Variants in RNFT1 observed in about 807,000 individuals in gnomAD.
The protein encoded by RNFT1 is E3 ubiquitin-protein ligase RNFT1.
Under a neutral mutation model 53.2 loss-of-function variants are expected in RNFT1, and 35 were observed. The ratio of observed to expected loss-of-function variants is 0.66; its 90% CI spans 0.50 to 0.87. The LOEUF is 0.87. RNFT1 is among the 40% of genes least tolerant of loss of function. RNFT1 has a pLI of 0.00. For missense variants in RNFT1, 421 were observed against 515.0 expected (o/e 0.82, Z 1.77); for synonymous variants, 141 against 172.8 (o/e 0.82, Z 1.44).
rs751742896 is a variant in RNFT1, at chr17:59,964,703, A to T, written c.-40T>A. 1 of 1,571,510 alleles carries T rather than the reference A, an allele frequency of 6.4e-7. No homozygotes were observed. Among genetic ancestry groups the T allele is most frequent in the Non-Finnish European group, 8.6e-7 (1 of 1,158,220 alleles). ...CCTTCAGTCGGGGCCATCAACCGCA[A>T]ACCCCGCAAGCTCTTCTCTCAGCCC... On this transcript the variant is annotated 5_prime_UTR_variant, in exon 1 of 9. It adds an upstream start codon to the 5' untranslated region. Coordinates refer to ENST00000305783, the MANE Select transcript of RNFT1 (RefSeq NM_016125.4).
chr17:59,959,981 A>C (rs1380901838), intron 4 of RNFT1, 87 bp downstream of exon 4: 1 of 1,343,820 alleles, frequency 7.4e-7, no homozygotes. Context: ...ACTGAATACA[A>C]TAAGTACTAT....
chr17:59,954,567 T>C (rs924637092), intron 7 of RNFT1, among the ~76,000 whole-genome samples: 4 of 152,162 alleles, frequency 2.6e-5, no homozygotes, highest in African/African-American at 9.6e-5. Context: ...TGAATGTAAC[T>C]CATGTGGAAA....
chr17:59,963,158 C>G lies in RNFT1; in HGVS notation c.183G>C (p.Gln61His), dbSNP rs780040800. The G allele has an allele frequency of 1.2e-6, 2 of 1,614,218 alleles. No homozygotes were observed. Among genetic ancestry groups the G allele is most frequent in the South Asian group, 2.2e-5 (2 of 91,092 alleles). The change falls in exon 2 of 9, where the codon CAG becomes CAC. Residue 61 changes from glutamine (Q) to histidine (H), a missense_variant. Physicochemically the swap from Gln to His is conservative, Grantham distance 24. Transcript: ENST00000305783. Reference sequence around the variant, plus strand: ...CTCCTGTCAATCTTGTGTGGACACACTGAGGGGTTGAGGCATCCTCACTGC... The same window carrying G: ...CTCCTGTCAATCTTGTGTGGACACAGTGAGGGGTTGAGGCATCCTCACTGC... ...TGSSEDASTP[Q>H]CVHTRLTGEG...
chr17:59,960,289 T>C (rs1598865398), intron 3 of RNFT1, 121 bp from the exon 4 acceptor site: 1 of 1,100,146 alleles, frequency 9.1e-7, no homozygotes, highest in East Asian at 2.8e-5. Flanking sequence ...ATATAGAATA[T>C]GTTAAACTGT....
At chr17:59,963,326 TAA>T in intron 1 of RNFT1, 42 bp from the exon 2 acceptor site, 1 of 1,528,848 alleles carries the variant, frequency 6.5e-7, no homozygotes, top group East Asian at 2.3e-5. Context: ...AACAGGCAGT[TAA>T]ATACCAGCAG....
chr17:59,957,142 C>T (rs2045258668), intron 6 of RNFT1, 82 bp downstream of exon 6: 2 of 1,351,830 alleles, frequency 1.5e-6, no homozygotes, highest in East Asian at 4.8e-5. Context: ...AACTATAAAA[C>T]TGTTAAAAGA....
rs187916935 is a variant in RNFT1, at chr17:59,961,811, A to G, written c.591+729T>C. On this transcript the variant is annotated intron_variant, in intron 3 of 8. Coordinates refer to ENST00000305783, the MANE Select transcript of RNFT1 (RefSeq NM_016125.4). ...AGGCTGGTCTCAAACTTCTGACCTC[A>G]GGTGATCTGCCTGCCTGGGCCTCCC... Among the ~76,000 whole-genome samples, 362 of 150,226 alleles carry G rather than the reference A, an allele frequency of 2.4e-3. 1 individual carries two copies. Among genetic ancestry groups the G allele is most frequent in the Middle Eastern group, 3.6e-3 (1 of 278 alleles).
At position 59,952,966 on chromosome 17, in the gene RNFT1, G is replaced by A; in HGVS notation, c.*11C>T. ...ACATTAGTATTTTGTGGCCTTGATA[G>A]TTTATACAACTTAATATATTTGAAG... On this transcript the variant is annotated 3_prime_UTR_variant, in exon 9 of 9. Transcript: ENST00000305783. 1 of 1,610,516 alleles carries A rather than the reference G, an allele frequency of 6.2e-7. No homozygotes were observed. The highest frequency in any genetic ancestry group is 8.5e-7 in the Non-Finnish European group (1 of 1,178,824).
At chr17:59,953,854 C>T (rs755235767) in intron 8 of RNFT1, 191 bp downstream of exon 8, 17 of 441,714 alleles carry the variant, frequency 3.8e-5, no homozygotes, top group South Asian at 8.2e-5. Flanking sequence ...CCCCTTCATA[C>T]GCTCCTCTGC....
At position 59,952,751 on chromosome 17, in the gene RNFT1, TTAGAA is replaced by T. The variant is rs1247510866; in HGVS notation, c.*221_*225del. 2 of 343,258 alleles carry T rather than the reference TTAGAA, an allele frequency of 5.8e-6. No homozygotes were observed. Among genetic ancestry groups the T allele is most frequent in the Non-Finnish European group, 1.0e-5 (2 of 191,900 alleles). The allele number at this position is 343,258 out of a possible 1,614,324, so 21.3% of individuals were successfully genotyped here. A position where few individuals can be genotyped will look rare whatever the true frequency, so the allele number is the denominator to read the frequency against. On this transcript the variant is annotated 3_prime_UTR_variant, in exon 9 of 9. Transcript: ENST00000305783. ...AACACTGCAGTTACCTGTCAAATAA[TTAGAA>T]TAGAATAAATGTTGCATATACATTA...
intron 5 of RNFT1, 74 bp from the exon 6 acceptor site, chr17:59,957,456 G>C: frequency 2.0e-6 from 2 of 1,011,588 alleles, no homozygotes; most frequent in Non-Finnish European, 2.9e-6. Context: ...ATTAGACTGA[G>C]AACACTGAGT....
Position 59,956,554 on chromosome 17 carries a change from C to T in RNFT1, c.1006-1G>A, listed in dbSNP as rs1195741804. ...TCAGATGCCCAAAAAATTCCAAAAG[C>T]TGAAAAGAGAAATAAGAGATCATTT... On this transcript the variant is annotated splice_acceptor_variant, in intron 6 of 8. Transcript: ENST00000305783. LOFTEE classifies it high-confidence loss of function. 6.2e-7 allele frequency: 1 copy of T among 1,611,454 alleles called. No homozygotes were observed. The highest frequency in any genetic ancestry group is 1.3e-5 in the African/African-American group (1 of 74,948).
At chr17:59,960,485 AAAG>A (rs971209457) in intron 3 of RNFT1, among the ~76,000 whole-genome samples, 5 of 150,306 alleles carry the variant, frequency 3.3e-5, no homozygotes, top group Non-Finnish European at 7.4e-5. Flanking sequence ...AAAAAAAAAA[AAAG>A]AAGCCAGGTC....
intron 4 of RNFT1, 67 bp downstream of exon 4, chr17:59,960,001 G>C (rs548732122): frequency 1.4e-6 from 2 of 1,465,210 alleles, no homozygotes; most frequent in South Asian, 1.3e-5. Flanking sequence ...TGTGAAGTAA[G>C]ATACAAAGTG....
intron 3 of RNFT1, among the ~76,000 whole-genome samples, chr17:59,961,509 C>G (rs1468904650): frequency 6.6e-6 from 1 of 152,078 alleles, no homozygotes; most frequent in Non-Finnish European, 1.5e-5. Flanking sequence ...AACTCATCCT[C>G]TTTTTCCCAA....
chr17:59,960,473 T>TAAATTA (rs2045283019), intron 3 of RNFT1, among the ~76,000 whole-genome samples: 1 of 118,764 alleles, frequency 8.4e-6, no homozygotes, highest in Non-Finnish European at 1.8e-5. Flanking sequence ...TAAATTAAAT[T>TAAATTA]AAAAAAAAAA....
intron 7 of RNFT1, among the ~76,000 whole-genome samples, chr17:59,954,681 G>C (rs1465952522): frequency 2.0e-5 from 3 of 152,212 alleles, no homozygotes; most frequent in South Asian, 4.1e-4. Flanking sequence ...AGGTCTCCAA[G>C]TGAGTGCAAT....
At chr17:59,957,490 CTA>C in intron 5 of RNFT1, 108 bp from the exon 6 acceptor site, 1 of 719,052 alleles carries the variant, frequency 1.4e-6, no homozygotes, top group Non-Finnish European at 2.1e-6. Flanking sequence ...ATATAAATAA[CTA>C]TAAAATTAAT....
At chr17:59,956,366 T>C (rs1412203451) in intron 7 of RNFT1, 122 bp downstream of exon 7, 1 of 681,598 alleles carries the variant, frequency 1.5e-6, no homozygotes, top group Admixed American at 3.0e-5. Context: ...TAGAAAATAA[T>C]CAAAGTAAAA....
Sources: gnomAD v4.1 joint callset for allele counts (sites outside exome capture counted in the v4.1 genomes callset) on GRCh38, gnomAD v4.1.1 for gene constraint, MANE v1.5 for transcripts, NCBI Gene and HGNC (gene_info 2026-07-23, HGNC 2026-07-21) for gene names.